ABCA8: variants seen among roughly 807,000 people sequenced by gnomAD.
ABCA8 encodes ATP binding cassette subfamily A member 8.
Under a neutral mutation model 192.3 loss-of-function variants are expected in ABCA8, and 177 were observed. The ratio of observed to expected loss-of-function variants is 0.92; its 90% CI spans 0.81 to 1.04. The LOEUF (loss-of-function observed/expected upper bound fraction) is 1.04. Among genes scored for constraint, ABCA8 ranks in the 50% least tolerant of loss-of-function variants. The probability of loss-of-function intolerance (pLI) is 0.00; values close to 1 mark genes in which losing one functional copy is unlikely to be tolerated. For synonymous variants in ABCA8, 642 were observed against 690.2 expected, an observed-to-expected ratio of 0.93 and a Z score of 1.09; for missense variants, 1,915 against 1,904.8, an observed-to-expected ratio of 1.01 and a Z score of -0.10.
Position 68,950,973 on chromosome 17 carries a change from T to G in ABCA8, c.-166-1501A>C, listed in dbSNP as rs560891873. ...GAGACCTTGAGTGTATCTGCTTGTT[T>G]TTTTGTTTCTTCCATTGCTGTGAGA... On this transcript the variant is annotated intron_variant, in intron 1 of 39. Transcript: ENST00000586539. Among the ~76,000 whole-genome samples the G allele has an allele frequency of 7.2e-5, 11 of 152,168 alleles. No individual in the cohort carries two copies. The South Asian group carries it at 2.1e-3, about 29-fold the overall frequency.
chr17:68,935,425 A>T (rs1356229040), intron 5 of ABCA8, among the ~76,000 whole-genome samples: 2 of 150,854 alleles, frequency 1.3e-5, no homozygotes, highest in Non-Finnish European at 3.0e-5. Flanking sequence ...CCACTTTATC[A>T]CAATTTTTGC....
At position 68,902,199 on chromosome 17, in the gene ABCA8, CAT is replaced by C. The variant is rs542629504; in HGVS notation, c.2764+512_2764+513del. 3.4e-4 allele frequency among the ~76,000 whole-genome samples: 52 copies of C among 152,298 alleles called. 1 individual carries two copies. The highest frequency in any genetic ancestry group is 1.2e-3 in the African/African-American group (48 of 41,552). The stretch of plus-strand genomic sequence containing the variant: ...GAAAGAAGTCAGTCACCAAATACCA[CAT>C]GTTGTATGAGTCCAGTGATATTACA... On this transcript the variant is annotated intron_variant, in intron 21 of 39. Transcript: ENST00000586539.
intron 27 of ABCA8, 134 bp downstream of exon 27, chr17:68,885,062 A>T (rs2143318571): frequency 8.4e-7 from 1 of 1,191,678 alleles, no homozygotes. Flanking sequence ...GAGAAAATCA[A>T]TTGGATTCCG....
In ABCA8 at chr17:68,881,336, C is replaced by T. The variant is rs1005477809; in HGVS notation, c.3947-125G>A. The stretch of plus-strand genomic sequence containing the variant: ...TTGTCATTTAATTGTCACAACCACC[C>T]TGAGAAGTTGTTATTTTAGCCCCTT... On this transcript the variant is annotated intron_variant, in intron 31 of 39. Coordinates refer to ENST00000586539, the MANE Select transcript of ABCA8 (RefSeq NM_001288985.2). 8.7e-6 allele frequency: 6 copies of T among 692,530 alleles called. No homozygotes were observed. The African/African-American group carries it at 9.0e-5, about 10-fold the overall frequency. The allele number at this position is 692,530 out of a possible 1,614,324, so 42.9% of individuals were successfully genotyped here. A position where few individuals can be genotyped will look rare whatever the true frequency, so the allele number is the denominator to read the frequency against.
chr17:68,937,083 T>C lies in ABCA8; in HGVS notation c.334A>G (p.Ser112Gly), dbSNP rs769500178. 1.2e-6 allele frequency: 2 copies of C among 1,608,594 alleles called. No individual in the cohort carries two copies. Among genetic ancestry groups the C allele is most frequent in the South Asian group, 1.1e-5 (1 of 90,110 alleles). Residue 112 changes from serine to glycine, a missense_variant, in exon 5 of 40, where the codon AGT becomes GGT. Transcript: ENST00000586539. ...TAATTTGCTGTGAATTCTTTAATAC[T>C]TTCCTCATCTGGCAGTCCCAAGACC... ...KEVLGLPDEE[S>G]IKEFTANYPE...
intron 23 of ABCA8, among the ~76,000 whole-genome samples, chr17:68,892,491 G>T (rs1045488267): frequency 2.6e-5 from 4 of 152,128 alleles, no homozygotes; most frequent in Admixed American, 1.3e-4. Flanking sequence ...AGTTGCTGGG[G>T]ATATTGGTTA....
chr17:68,880,284 C>T (rs187948552), intron 32 of ABCA8: 5 of 152,148 alleles, frequency 3.3e-5, no homozygotes, highest in Non-Finnish European at 7.3e-5. Context: ...AGATGACCTG[C>T]CTACAAATAG....
intron 17 of ABCA8, among the ~76,000 whole-genome samples, chr17:68,912,973 A>T (rs1215768725): frequency 1.3e-5 from 2 of 152,210 alleles, no homozygotes; most frequent in Non-Finnish European, 2.9e-5. Context: ...CACATGGATC[A>T]TTCTCAAGGA....
intron 11 of ABCA8, among the ~76,000 whole-genome samples, chr17:68,923,946 A>T (rs75985915): frequency 0.016 from 2,362 of 152,332 alleles, 73 homozygotes; most frequent in African/African-American, 0.054. Flanking sequence ...TTAACTCTGC[A>T]GGGCACCTCT....
chr17:68,937,246 G>A (rs2068092657), intron 4 of ABCA8, 131 bp from the exon 5 acceptor site: 1 of 774,792 alleles, frequency 1.3e-6, no homozygotes, highest in East Asian at 3.2e-5. Flanking sequence ...CTTTTAGAAA[G>A]TTAGACTAAA....
intron 26 of ABCA8, among the ~76,000 whole-genome samples, chr17:68,885,907 A>G (rs769797903): frequency 9.2e-5 from 14 of 152,218 alleles, no homozygotes; most frequent in Admixed American, 5.9e-4. Context: ...GTAGATGATC[A>G]AAAATCAAAG....
rs146125511 is a variant in ABCA8, at chr17:68,933,241, T to G, written c.497A>C (p.Tyr166Ser). The G allele has an allele frequency of 2.4e-4, 380 of 1,612,578 alleles. No individual in the cohort carries two copies. The African/African-American group carries it at 4.5e-3, about 19-fold the overall frequency. The change falls in exon 6 of 40, where the codon TAC becomes TCC. Residue 166 changes from tyrosine to serine, a missense_variant. By Grantham distance (144) the Tyr-to-Ser change is moderately radical. Coordinates refer to ENST00000586539, the MANE Select transcript of ABCA8 (RefSeq NM_001288985.2). ...AHCYETNEDV[Y>S]CEVSVFWKEG... ...CTTCCAAAATACTGAAACTTCACAG[T>G]AAACATCTTCATTTGTTTCATAACA...
At chr17:68,908,781 G>T (rs1342932217) in intron 17 of ABCA8, among the ~76,000 whole-genome samples, 1 of 152,124 alleles carries the variant, frequency 6.6e-6, no homozygotes, top group African/African-American at 2.4e-5. Context: ...ACTTGGCTTT[G>T]AAATATTGTT....
intron 37 of ABCA8, among the ~76,000 whole-genome samples, chr17:68,871,430 G>A (rs916924963): frequency 1.3e-5 from 2 of 152,138 alleles, no homozygotes; most frequent in Non-Finnish European, 2.9e-5. Context: ...ACACTCAAAC[G>A]ATAGCACCAT....
intron 13 of ABCA8, among the ~76,000 whole-genome samples, chr17:68,920,561 A>G (rs1054362838): frequency 4.6e-5 from 7 of 152,216 alleles, no homozygotes; most frequent in South Asian, 2.1e-4. Context: ...TAAATATTAC[A>G]TACTTCCACA....
chr17:68,875,658 C>G lies in ABCA8; in HGVS notation c.4446G>C (p.Glu1482Asp). ...TGATGGCCACTCGGTCACACACGGC[C>G]TCAGCCTCTGCCATGTAGTGGGTGG... ...LLTTHYMAEAEAVCDRVAIMV... is the reference protein window; with the variant it reads ...LLTTHYMAEADAVCDRVAIMV... The change falls in exon 36 of 40, where the codon GAG becomes GAC. Residue 1482 changes from glutamate to aspartate, a missense_variant. Coordinates refer to ENST00000586539, the MANE Select transcript of ABCA8 (RefSeq NM_001288985.2). 1 of 1,614,196 alleles carries G rather than the reference C, an allele frequency of 6.2e-7. No homozygotes were observed. The highest frequency in any genetic ancestry group is 1.1e-5 in the South Asian group (1 of 91,074).
chr17:68,929,793 T>C, intron 7 of ABCA8, 91 bp from the exon 8 acceptor site: 6 of 1,114,536 alleles, frequency 5.4e-6, no homozygotes, highest in Non-Finnish European at 7.4e-6. Flanking sequence ...TTCATTCACT[T>C]ATTCATCCAT....
chr17:68,887,637 G>T, intron 24 of ABCA8, 131 bp from the exon 25 acceptor site: 1 of 724,734 alleles, frequency 1.4e-6, no homozygotes, highest in Non-Finnish European at 2.2e-6. Flanking sequence ...TGGACTAAGG[G>T]ATGTGGATAG....
Position 68,875,525 on chromosome 17 carries a change from A to C in ABCA8, c.4490+89T>G, listed in dbSNP as rs144305951. 8.2e-3 allele frequency: 13,029 copies of C among 1,588,822 alleles called. 70 individuals carry two copies. The highest frequency in any genetic ancestry group is 9.8e-3 in the Non-Finnish European group (11,493 of 1,166,930). On this transcript the variant is annotated intron_variant, in intron 36 of 39. Transcript: ENST00000586539. ...TGTTAGACCTGGGCACAGTCATTTCAGCTGTTTTCAGTGATCTCTCCCTGC... is the reference window on the plus strand; with the variant it reads ...TGTTAGACCTGGGCACAGTCATTTCCGCTGTTTTCAGTGATCTCTCCCTGC...
Sources: allele counts gnomAD v4.1 joint callset (sites outside exome capture counted in the v4.1 genomes callset), GRCh38; gene constraint gnomAD v4.1.1; transcripts MANE v1.5; gene names NCBI Gene and HGNC (gene_info 2026-07-23, HGNC 2026-07-21).